LAMA3: variants seen among roughly 807,000 people sequenced by gnomAD.
The protein encoded by LAMA3 is laminin subunit alpha-3.
A neutral mutation model predicts 402.0 loss-of-function variants in LAMA3; 281 were observed. The ratio of observed to expected loss-of-function variants is 0.70; its 90% CI spans 0.63 to 0.77. The LOEUF (loss-of-function observed/expected upper bound fraction) is 0.77, where lower values mean the gene tolerates loss of function less well. LAMA3 is among the 30% of genes least tolerant of loss of function. The pLI is 0.00. For missense variants in LAMA3, 3,840 were observed against 4,215.5 expected (o/e 0.91, Z 2.47); for synonymous variants, 1,431 against 1,558.4 (o/e 0.92, Z 1.93).
intron 37 of LAMA3, 113 bp from the exon 38 acceptor site, chr18:23,871,318 C>T (rs932532072): frequency 1.2e-6 from 1 of 812,076 alleles, no homozygotes; most frequent in Non-Finnish European, 2.1e-6. Flanking sequence ...TTTCATTTCT[C>T]CCTATGCATT....
chr18:23,725,873 G>A (rs891876046), intron 2 of LAMA3, among the ~76,000 whole-genome samples: 4 of 152,206 alleles, frequency 2.6e-5, no homozygotes, highest in African/African-American at 9.7e-5. Context: ...AACCACAAAT[G>A]CAAACATTCT....
rs773954463 is a variant in LAMA3 at position 23,943,770 on chromosome 18, C to T, written c.9027-18C>T. ...GCTGAACACCTCTATTTCCCTTCATCGCCGATGTTCCCAACAGGTCACAGT... is the reference window on the plus strand; with the variant it reads ...GCTGAACACCTCTATTTCCCTTCATTGCCGATGTTCCCAACAGGTCACAGT... On this transcript the variant is annotated intron_variant, in intron 68 of 74. Coordinates refer to ENST00000313654, the MANE Select transcript of LAMA3 (RefSeq NM_198129.4). 8.1e-6 allele frequency: 13 copies of T among 1,613,136 alleles called. No individual in the cohort carries two copies. The highest frequency in any genetic ancestry group is 2.2e-5 in the South Asian group (2 of 91,050).
intron 70 of LAMA3, among the ~76,000 whole-genome samples, chr18:23,947,559 C>T (rs1568378954): frequency 6.6e-6 from 1 of 152,100 alleles, no homozygotes; most frequent in Non-Finnish European, 1.5e-5. Flanking sequence ...GCCTGGCCCT[C>T]TTGGGTTTTG....
chr18:23,717,542 C>CTTTTTT (rs138974380), intron 2 of LAMA3, among the ~76,000 whole-genome samples: 7 of 64,908 alleles, frequency 1.1e-4, no homozygotes, highest in South Asian at 7.2e-4. Context: ...TGGACTTGAT[C>CTTTTTT]TTTTTTTTTT....
At chr18:23,713,532 C>T (rs529766884) in intron 1 of LAMA3, among the ~76,000 whole-genome samples, 1 of 152,314 alleles carries the variant, frequency 6.6e-6, no homozygotes, top group African/African-American at 2.4e-5. Flanking sequence ...CAGTGCCGCA[C>T]ACAGAATTGC....
chr18:23,831,967 A>G (rs1476560006), intron 23 of LAMA3, among the ~76,000 whole-genome samples: 2 of 152,210 alleles, frequency 1.3e-5, no homozygotes, highest in African/African-American at 4.8e-5. Flanking sequence ...ATAAATAATC[A>G]TAACAGCAAG....
chr18:23,744,711 G>A lies in LAMA3; in HGVS notation c.448-3232G>A, dbSNP rs188910424. ...GCCGGGCGTGGTGGCAGGTGCCTGT[G>A]GTCCCAGCTACTCAGGAGGCTGAGG... On this transcript the variant is annotated intron_variant, in intron 2 of 74. Transcript: ENST00000313654. Among the ~76,000 whole-genome samples, 880 of 151,452 alleles carry A rather than the reference G, an allele frequency of 5.8e-3. 7 individuals are homozygous for A. The highest frequency in any genetic ancestry group is 0.02 in the African/African-American group (822 of 41,218).
rs572626034 is a variant in LAMA3, at chr18:23,727,726, T to A, written c.447+13654T>A. 1.6e-3 allele frequency among the ~76,000 whole-genome samples: 236 copies of A among 152,092 alleles called. 1 individual carries two copies. Among genetic ancestry groups the A allele is most frequent in the Middle Eastern group, 3.4e-3 (1 of 292 alleles). ...GCTCTAGGCCATGTATTGTAACTTT[T>A]CTTTTCTTTCTGTTTTATTTTGAGA... On this transcript the variant is annotated intron_variant, in intron 2 of 74. Coordinates refer to ENST00000313654, the MANE Select transcript of LAMA3 (RefSeq NM_198129.4).
intron 2 of LAMA3, among the ~76,000 whole-genome samples, chr18:23,719,674 T>C (rs1186475824): frequency 1.3e-5 from 2 of 151,988 alleles, no homozygotes; most frequent in South Asian, 2.1e-4. Context: ...AGAATCTTTT[T>C]TTTTTTTTTT....
intron 7 of LAMA3, among the ~76,000 whole-genome samples, chr18:23,759,055 G>A (rs374563691): frequency 1.3e-5 from 2 of 149,080 alleles, no homozygotes; most frequent in Non-Finnish European, 3.0e-5. Context: ...TTTTTTTTTT[G>A]TTTTTGTTTT....
At chr18:23,755,622 G>C (rs2061829062) in intron 6 of LAMA3, among the ~76,000 whole-genome samples, 1 of 152,224 alleles carries the variant, frequency 6.6e-6, no homozygotes, top group African/African-American at 2.4e-5. Flanking sequence ...TGTGTACCAT[G>C]TTGACCTTGC....
At chr18:23,829,674 A>C (rs1205490248) in intron 23 of LAMA3, among the ~76,000 whole-genome samples, 1 of 152,206 alleles carries the variant, frequency 6.6e-6, no homozygotes, top group Non-Finnish European at 1.5e-5. Flanking sequence ...AGTTTCTTAT[A>C]TGCATATATA....
chr18:23,921,052 T>A lies in LAMA3; in HGVS notation c.8041T>A (p.Ser2681Thr). The A allele has an allele frequency of 6.2e-7, 1 of 1,614,034 alleles. No individual in the cohort carries two copies. The highest frequency in any genetic ancestry group is 8.5e-7 in the Non-Finnish European group (1 of 1,180,000). Reference protein sequence around the residue: ...GDAINNGRDHSIQIKIGKLQK... With the variant: ...GDAINNGRDHTIQIKIGKLQK... The stretch of plus-strand genomic sequence containing the variant: ...CGCCATAAACAACGGCAGAGACCAT[T>A]CGGTACACCTTTTGAGTCTGTTTAC... The change falls in exon 61 of 75, where the codon TCG becomes ACG. Residue 2681 changes from serine (S) to threonine (T), a missense_variant and splice_region_variant. Around this residue, in one of 3 missense-constraint regions of LAMA3, gnomAD observed 840 missense variants for 981.9 expected, o/e 0.86. Transcript: ENST00000313654.
chr18:23,951,549 C>A, intron 72 of LAMA3, 135 bp from the exon 73 acceptor site: 1 of 698,280 alleles, frequency 1.4e-6, no homozygotes, highest in Non-Finnish European at 2.6e-6. Flanking sequence ...TCAAATGCTT[C>A]AAAAGCGGAG....
At chr18:23,836,220 T>C (rs1263144646) in intron 24 of LAMA3, among the ~76,000 whole-genome samples, 1 of 152,176 alleles carries the variant, frequency 6.6e-6, no homozygotes, top group Non-Finnish European at 1.5e-5. Context: ...TGGCTTTTTA[T>C]ATAACTTATC....
intron 72 of LAMA3, 109 bp from the exon 73 acceptor site, chr18:23,951,575 A>G (rs2082910827): frequency 1.3e-6 from 1 of 777,724 alleles, no homozygotes; most frequent in Non-Finnish European, 2.3e-6. Context: ...CCAATATCTA[A>G]TGTGCCCTTA....
chr18:23,914,923 C>T (rs1806009533), intron 58 of LAMA3, 63 bp downstream of exon 58: 9 of 1,285,154 alleles, frequency 7.0e-6, no homozygotes, highest in South Asian at 6.1e-5. Context: ...TGGTGATGAC[C>T]TCATGTCTCT....
At chr18:23,798,848 A>G (rs944278527) in intron 12 of LAMA3, among the ~76,000 whole-genome samples, 5 of 152,218 alleles carry the variant, frequency 3.3e-5, no homozygotes, top group Non-Finnish European at 7.3e-5. Context: ...AGCATCCCTC[A>G]AGCACTAAGG....
Position 23,847,481 on chromosome 18 carries a change from C to T in LAMA3, c.3949C>T (p.Arg1317Cys), listed in dbSNP as rs117387365. 20 of 1,612,840 alleles carry T rather than the reference C, an allele frequency of 1.2e-5. No homozygotes were observed. The highest frequency in any genetic ancestry group is 4.5e-5 in the East Asian group (2 of 44,876). The change falls in exon 32 of 75, where the codon CGC (arginine) becomes TGC (cysteine). Residue 1317 changes from arginine to cysteine, a missense_variant. Around this residue, in one of 3 missense-constraint regions of LAMA3, gnomAD observed 2,109 missense variants for 2,376.0 expected, o/e 0.89. Coordinates refer to ENST00000313654, the MANE Select transcript of LAMA3 (RefSeq NM_198129.4). ...PRCKPCSCGR[R>C]LCEEMTGQCR... ...CTGGCCAGCGTGCAGCTGTGGTCGGCGCCTTTGTGAAGAGATGACGGGGCA... is the reference window on the plus strand; with the variant it reads ...CTGGCCAGCGTGCAGCTGTGGTCGGTGCCTTTGTGAAGAGATGACGGGGCA...
Sources: gnomAD v4.1 joint callset for allele counts (sites outside exome capture counted in the v4.1 genomes callset) on GRCh38, gnomAD v4.1.1 for gene constraint, gnomAD v4.1.1 regional missense constraint, MANE v1.5 for transcripts, NCBI Gene and HGNC (gene_info 2026-07-23, HGNC 2026-07-21) for gene names.